IGF2BP3: variants seen among roughly 807,000 people sequenced by gnomAD.
IGF2BP3 encodes insulin like growth factor 2 mRNA binding protein 3, also known as insulin-like growth factor 2 mRNA-binding protein 3.
Under a neutral mutation model 73.8 loss-of-function variants are expected in IGF2BP3, and 9 were observed. The observed-to-expected ratio is 0.12, with a 90% confidence interval of 0.07 to 0.21. IGF2BP3 has a LOEUF of 0.21. Among genes scored for constraint, IGF2BP3 ranks in the 10% least tolerant of loss-of-function variants. IGF2BP3 has a pLI of 1.00. For synonymous variants in IGF2BP3, 258 were observed against 256.7 expected, an observed-to-expected ratio of 1.01 and a Z score of -0.05; for missense variants, 542 against 714.0, an observed-to-expected ratio of 0.76 and a Z score of 2.75.
chr7:23,402,039 C>T (rs1786683099), intron 3 of IGF2BP3, among the ~76,000 whole-genome samples: 1 of 152,050 alleles, frequency 6.6e-6, no homozygotes, highest in Admixed American at 6.6e-5. Context: ...ATCACTTGAA[C>T]CCAGGAGGCA....
intron 3 of IGF2BP3, chr7:23,415,680 C>A: frequency 6.0e-6 from 1 of 166,264 alleles, no homozygotes. Context: ...CCAGCCATAG[C>A]CAAGGAGCTC....
At chr7:23,405,071 A>C (rs981416622) in intron 3 of IGF2BP3, 1 of 152,218 alleles carries the variant, frequency 6.6e-6, no homozygotes, top group African/African-American at 2.4e-5. Context: ...TTCTTTTAAG[A>C]GGGTAAGTCC....
chr7:23,331,871 A>G (rs1270961287), intron 10 of IGF2BP3, among the ~76,000 whole-genome samples: 4 of 151,956 alleles, frequency 2.6e-5, no homozygotes, highest in Admixed American at 1.3e-4. Context: ...AAAAAAAAAA[A>G]AAGAAAAAAA....
intron 3 of IGF2BP3, among the ~76,000 whole-genome samples, chr7:23,379,321 T>C (rs754164406): frequency 1.3e-5 from 2 of 152,226 alleles, no homozygotes; most frequent in African/African-American, 2.4e-5. Flanking sequence ...TGTTCTCTTA[T>C]ATCTGCTGTA....
intron 12 of IGF2BP3, among the ~76,000 whole-genome samples, chr7:23,315,841 C>G (rs1407373587): frequency 6.6e-6 from 1 of 152,082 alleles, no homozygotes; most frequent in Non-Finnish European, 1.5e-5. Flanking sequence ...AGCATTGTCA[C>G]CAATCACATA....
chr7:23,331,042 G>A (rs976320834), intron 10 of IGF2BP3, among the ~76,000 whole-genome samples: 11 of 152,194 alleles, frequency 7.2e-5, no homozygotes, highest in African/African-American at 1.7e-4. Context: ...CAAGTGATCC[G>A]CCCACCTCAG....
At chr7:23,437,698 T>C (rs372969505) in intron 2 of IGF2BP3, among the ~76,000 whole-genome samples, 195 of 152,282 alleles carry the variant, frequency 1.3e-3, no homozygotes, top group African/African-American at 3.7e-3. Context: ...CATTTCCAGA[T>C]TATTTCTGCC....
chr7:23,460,192 AAAAAC>A (rs1304596663), intron 2 of IGF2BP3, among the ~76,000 whole-genome samples: 14 of 149,868 alleles, frequency 9.3e-5, no homozygotes, highest in Admixed American at 1.3e-4. Flanking sequence ...AAAAAAAAAA[AAAAAC>A]AAAAACGAAA....
intron 3 of IGF2BP3, among the ~76,000 whole-genome samples, chr7:23,382,235 C>T (rs1415783393): frequency 2.0e-5 from 3 of 152,014 alleles, no homozygotes; most frequent in African/African-American, 7.2e-5. Flanking sequence ...AACAGAGATG[C>T]TGTTTTAAAA....
chr7:23,470,292 T>G lies in IGF2BP3; in HGVS notation c.-182A>C. On this transcript the variant is annotated 5_prime_UTR_variant, in exon 1 of 15. Coordinates refer to ENST00000258729, the MANE Select transcript of IGF2BP3 (RefSeq NM_006547.3). ...AAAATCAGATCCGAGGCTTGTTTTT[T>G]CCTTGTCTAGATGTGTTTTAAAAGA... 1 of 499,294 alleles carries G rather than the reference T, an allele frequency of 2.0e-6. No individual in the cohort carries two copies. The highest frequency in any genetic ancestry group is 3.5e-6 in the Non-Finnish European group (1 of 283,864). 30.9% of individuals were successfully genotyped at this position (499,294 alleles called of 1,614,324 possible).
At chr7:23,382,973 T>C in intron 3 of IGF2BP3, among the ~76,000 whole-genome samples, 1 of 148,462 alleles carries the variant, frequency 6.7e-6, no homozygotes, top group Non-Finnish European at 1.5e-5. Context: ...CTTGGGAGGC[T>C]GAGGCAGGAG....
chr7:23,450,142 A>C (rs1225419974), intron 2 of IGF2BP3, among the ~76,000 whole-genome samples: 1 of 152,212 alleles, frequency 6.6e-6, no homozygotes. Context: ...GCGAAGAATT[A>C]TGCAAACTGT....
At chr7:23,441,804 A>T (rs964046284) in intron 2 of IGF2BP3, among the ~76,000 whole-genome samples, 2 of 152,122 alleles carry the variant, frequency 1.3e-5, no homozygotes, top group Non-Finnish European at 2.9e-5. Flanking sequence ...AAATCTGTTT[A>T]TAAATTGAAT....
At chr7:23,400,181 G>A (rs1164895873) in intron 3 of IGF2BP3, among the ~76,000 whole-genome samples, 1 of 152,152 alleles carries the variant, frequency 6.6e-6, no homozygotes, top group Non-Finnish European at 1.5e-5. Context: ...ATGTGAAAAA[G>A]TTCTCCAAAG....
intron 3 of IGF2BP3, among the ~76,000 whole-genome samples, chr7:23,400,299 A>G (rs1786617835): frequency 6.6e-6 from 1 of 152,246 alleles, no homozygotes; most frequent in Admixed American, 6.5e-5. Context: ...TTAGGTTGGT[A>G]CAAAAGTAAT....
chr7:23,399,866 C>A (rs1226024569), intron 3 of IGF2BP3, among the ~76,000 whole-genome samples: 1 of 152,050 alleles, frequency 6.6e-6, no homozygotes. Context: ...TGAAAACTCC[C>A]AAAGTAGAGA....
At chr7:23,398,913 A>C (rs979899057) in intron 3 of IGF2BP3, among the ~76,000 whole-genome samples, 1 of 152,124 alleles carries the variant, frequency 6.6e-6, no homozygotes, top group Admixed American at 6.5e-5. Flanking sequence ...CTTTAGTTTA[A>C]TTAGATCCCA....
intron 7 of IGF2BP3, among the ~76,000 whole-genome samples, chr7:23,347,078 G>A (rs1196602089): frequency 1.3e-5 from 2 of 152,160 alleles, no homozygotes; most frequent in Non-Finnish European, 2.9e-5. Context: ...GTGCAGCGCT[G>A]TTCTGTACGC....
chr7:23,320,049 T>A (rs577255319), intron 10 of IGF2BP3, among the ~76,000 whole-genome samples: 3 of 151,996 alleles, frequency 2.0e-5, no homozygotes, highest in Non-Finnish European at 1.5e-5. Flanking sequence ...GAGCTGAGAT[T>A]ACAGGCACTT....
Sources: gnomAD v4.1 joint callset for allele counts (sites outside exome capture counted in the v4.1 genomes callset) on GRCh38, gnomAD v4.1.1 for gene constraint, MANE v1.5 for transcripts, NCBI Gene and HGNC (gene_info 2026-07-23, HGNC 2026-07-21) for gene names.